CADM2: variants seen among roughly 807,000 people sequenced by gnomAD.
The protein encoded by CADM2 is immunoglobulin superfamily member 4D.
In CADM2, 12 loss-of-function variants were observed where a neutral mutation model predicts 49.8. That is an observed-to-expected ratio of 0.24 (90% CI 0.15 to 0.39). CADM2 has a LOEUF of 0.39. Ranked by LOEUF, CADM2 falls within the 10% of genes least tolerant of loss-of-function variation. The probability of loss-of-function intolerance (pLI) is 1.00; values close to 1 mark genes in which losing one functional copy is unlikely to be tolerated. For missense variants in CADM2, 378 were observed against 492.3 expected (o/e 0.77, Z 2.20); for synonymous variants, 214 against 175.4 (o/e 1.22, Z -1.74).
intron 1 of CADM2, among the ~76,000 whole-genome samples, chr3:85,214,121 G>C (rs997944976): frequency 8.6e-5 from 13 of 151,744 alleles, no homozygotes; most frequent in African/African-American, 2.4e-4. Flanking sequence ...CCAAGTCTTT[G>C]GTCACAGTAG....
At chr3:85,865,569 C>A (rs1267266900) in intron 3 of CADM2, among the ~76,000 whole-genome samples, 1 of 152,144 alleles carries the variant, frequency 6.6e-6, no homozygotes, top group Non-Finnish European at 1.5e-5. Context: ...GTGCACTGCA[C>A]TGACATTTTC....
intron 3 of CADM2, among the ~76,000 whole-genome samples, chr3:85,809,000 G>A (rs2072638452): frequency 6.6e-6 from 1 of 152,122 alleles, no homozygotes. Context: ...CAATCAATTT[G>A]ACAGGCTTTA....
chr3:85,140,833 G>A (rs986253259), intron 1 of CADM2, among the ~76,000 whole-genome samples: 2 of 152,270 alleles, frequency 1.3e-5, no homozygotes, highest in African/African-American at 4.8e-5. Flanking sequence ...AACTTGGCAG[G>A]ATTTGCAGAC....
intron 1 of CADM2, among the ~76,000 whole-genome samples, chr3:85,285,413 A>G (rs1429835750): frequency 6.6e-6 from 1 of 152,118 alleles, no homozygotes; most frequent in Non-Finnish European, 1.5e-5. Context: ...ATAAAGTGGA[A>G]AATGCATTTA....
chr3:85,578,877 T>C lies in CADM2; in HGVS notation c.62-147645T>C, dbSNP rs569336068. On this transcript the variant is annotated intron_variant, in intron 1 of 9. Coordinates refer to ENST00000383699, the MANE Select transcript of CADM2 (RefSeq NM_001167675.2). ...AAGTCGAGTCATTCACACACTCCCATTATATTTATTTGTATTTTAAATTGA... is the reference window on the plus strand; with the variant it reads ...AAGTCGAGTCATTCACACACTCCCACTATATTTATTTGTATTTTAAATTGA... 2.0e-3 allele frequency among the ~76,000 whole-genome samples: 309 copies of C among 152,328 alleles called. 3 individuals carry two copies. Among genetic ancestry groups the C allele is most frequent in the African/African-American group, 7.2e-3 (300 of 41,578 alleles).
chr3:85,988,044 C>T (rs755789645), intron 8 of CADM2, among the ~76,000 whole-genome samples: 29 of 152,086 alleles, frequency 1.9e-4, no homozygotes, highest in Non-Finnish European at 3.7e-4. Flanking sequence ...CTAATTATAC[C>T]AACTTTGGGA....
intron 1 of CADM2, among the ~76,000 whole-genome samples, chr3:85,420,690 C>T (rs1288126324): frequency 2.0e-5 from 3 of 152,062 alleles, no homozygotes; most frequent in African/African-American, 7.2e-5. Context: ...AGCCATAAAA[C>T]ATTTCTGTTA....
At chr3:85,676,581 A>G (rs989577361) in intron 1 of CADM2, among the ~76,000 whole-genome samples, 1 of 152,164 alleles carries the variant, frequency 6.6e-6, no homozygotes, top group Non-Finnish European at 1.5e-5. Context: ...TGACTTCTCA[A>G]TTACATAGGA....
Position 85,662,389 on chromosome 3 carries a change from A to C in CADM2, c.62-64133A>C, listed in dbSNP as rs151313700. Among the ~76,000 whole-genome samples the C allele has an allele frequency of 5.4e-3, 823 of 152,130 alleles. 2 individuals carry two copies. Among genetic ancestry groups the C allele is most frequent in the Middle Eastern group, 0.01 (3 of 294 alleles). On this transcript the variant is annotated intron_variant, in intron 1 of 9. Transcript: ENST00000383699. The stretch of plus-strand genomic sequence containing the variant: ...TCACTCCATTACTAATAAGCACTAA[A>C]ATGATATCTTTGCCTTAAGTATTCT...
chr3:85,639,405 G>A (rs1002554370), intron 1 of CADM2, among the ~76,000 whole-genome samples: 15 of 152,156 alleles, frequency 9.9e-5, no homozygotes, highest in Admixed American at 8.5e-4. Context: ...TGAAATTCAG[G>A]GTCAGCCTTT....
At chr3:85,795,253 T>C (rs1353286395) in intron 2 of CADM2, among the ~76,000 whole-genome samples, 2 of 152,168 alleles carry the variant, frequency 1.3e-5, no homozygotes, top group East Asian at 1.9e-4. Context: ...CCTTGAACCA[T>C]GAAGAGTTAA....
At chr3:85,010,835 ATCAC>A (rs1376232153) in intron 1 of CADM2, among the ~76,000 whole-genome samples, 1 of 130,108 alleles carries the variant, frequency 7.7e-6, no homozygotes, top group Non-Finnish European at 1.6e-5. Context: ...ATTTTCCCAA[ATCAC>A]TCTGTTTATG....
At chr3:85,608,993 A>G (rs1478563585) in intron 1 of CADM2, among the ~76,000 whole-genome samples, 1 of 152,126 alleles carries the variant, frequency 6.6e-6, no homozygotes, top group Non-Finnish European at 1.5e-5. Context: ...GATTAAAAAT[A>G]TTTACAATTT....
intron 2 of CADM2, among the ~76,000 whole-genome samples, chr3:85,784,163 A>T (rs1316840076): frequency 6.6e-6 from 1 of 152,202 alleles, no homozygotes; most frequent in East Asian, 1.9e-4. Flanking sequence ...AATAACCAGA[A>T]CACTTGGAAT....
Position 85,542,668 on chromosome 3 carries a change from G to A in CADM2, c.62-183854G>A, listed in dbSNP as rs547120758. On this transcript the variant is annotated intron_variant, in intron 1 of 9. Coordinates refer to ENST00000383699, the MANE Select transcript of CADM2 (RefSeq NM_001167675.2). ...ATTGACATAGCTATTAAAAGAATTA[G>A]CTGCATTTCCTCCACCTACTGCAAA... Among the ~76,000 whole-genome samples the A allele has an allele frequency of 6.6e-5, 10 of 152,204 alleles. No individual in the cohort carries two copies. In the East Asian group the frequency reaches 1.9e-3, roughly 29 times the overall value.
chr3:85,431,680 TGATAATTTATCCCTAAGTGCAG>T (rs1399904566), intron 1 of CADM2, among the ~76,000 whole-genome samples: 2 of 151,216 alleles, frequency 1.3e-5, no homozygotes, highest in Non-Finnish European at 2.9e-5. Flanking sequence ...TTACTGATGA[TGATAATTTATCCCTAAGTGCAG>T]GAAGTTAAGT....
intron 9 of CADM2, 98 bp downstream of exon 9, chr3:86,065,828 G>A: frequency 8.7e-7 from 1 of 1,147,668 alleles, no homozygotes; most frequent in Middle Eastern, 2.4e-4. Flanking sequence ...TTCTGTACAT[G>A]TGTAGAATAG....
intron 1 of CADM2, among the ~76,000 whole-genome samples, chr3:85,489,021 G>A (rs1008036765): frequency 4.6e-5 from 7 of 151,834 alleles, no homozygotes; most frequent in African/African-American, 1.5e-4. Context: ...ATATTTTCCT[G>A]GGTAATATCT....
chr3:84,964,794 G>T (rs2030845992), intron 1 of CADM2, among the ~76,000 whole-genome samples: 1 of 152,172 alleles, frequency 6.6e-6, no homozygotes, highest in Admixed American at 6.5e-5. Flanking sequence ...AAACAGTCAT[G>T]TTGGATTGAA....
Sources: gnomAD v4.1 joint callset for allele counts (sites outside exome capture counted in the v4.1 genomes callset) on GRCh38, gnomAD v4.1.1 for gene constraint, MANE v1.5 for transcripts, NCBI Gene and HGNC (gene_info 2026-07-23, HGNC 2026-07-21) for gene names.